MPHOSPH9: variants seen among roughly 807,000 people sequenced by gnomAD.
MPHOSPH9 encodes M-phase phosphoprotein 9.
In MPHOSPH9, 88 loss-of-function variants were observed where a neutral mutation model predicts 145.5. That is an observed-to-expected ratio of 0.60 (90% CI 0.51 to 0.72). The LOEUF (loss-of-function observed/expected upper bound fraction) is 0.72. MPHOSPH9 is among the 30% of genes least tolerant of loss of function. The pLI is 0.00. For missense variants in MPHOSPH9, 1,238 were observed against 1,386.6 expected, an observed-to-expected ratio of 0.89 and a Z score of 1.70; for synonymous variants, 435 against 486.2, an observed-to-expected ratio of 0.89 and a Z score of 1.39.
At position 123,179,967 on chromosome 12, in the gene MPHOSPH9, G is replaced by T; in HGVS notation, c.2313C>A (p.Asn771Lys). Residue 771 changes from asparagine to lysine, a missense_variant, in exon 15 of 24, where the codon AAC (asparagine) becomes AAA (lysine). By Grantham distance (94) the Asn-to-Lys change is moderately conservative. This residue lies in a region of MPHOSPH9 where 837 missense variants were observed against 897.5 expected (regional missense o/e 0.93). Coordinates refer to ENST00000606320, the MANE Select transcript of MPHOSPH9 (RefSeq NM_022782.4). The part of the protein sequence containing the change: ...RVKDALNTTE[N>K]KLLDAYTQIS... ...TCTGAGTATATGCATCAAGCAATTT[G>T]TTCTCAGTTGTATTTAATGCATCCT... The T allele has an allele frequency of 7.0e-7, 1 of 1,433,050 alleles. No individual in the cohort carries two copies. Among genetic ancestry groups the T allele is most frequent in the Admixed American group, 2.5e-5 (1 of 39,672 alleles). 88.8% of individuals were successfully genotyped at this position (1,433,050 alleles called of 1,614,324 possible).
At chr12:123,232,261 C>A (rs1477795346) in intron 1 of MPHOSPH9, among the ~76,000 whole-genome samples, 1 of 151,860 alleles carries the variant, frequency 6.6e-6, no homozygotes, top group African/African-American at 2.4e-5. Flanking sequence ...GGATGCAGAT[C>A]CAGATGGAAA....
At chr12:123,242,362 G>A (rs914953230) in intron 1 of MPHOSPH9, among the ~76,000 whole-genome samples, 9 of 152,130 alleles carry the variant, frequency 5.9e-5, no homozygotes, top group African/African-American at 2.2e-4. Context: ...GCACTTCTCT[G>A]TACCATTTTT....
intron 16 of MPHOSPH9, among the ~76,000 whole-genome samples, chr12:123,175,712 C>T (rs895728298): frequency 7.7e-6 from 1 of 129,888 alleles, no homozygotes; most frequent in Admixed American, 9.5e-5. Context: ...GCACAGGTGA[C>T]TCCTCTGCTT....
At chr12:123,190,060 T>G (rs936526126) in intron 13 of MPHOSPH9, among the ~76,000 whole-genome samples, 7 of 151,964 alleles carry the variant, frequency 4.6e-5, no homozygotes, top group Admixed American at 1.3e-4. Context: ...GGTAATGATA[T>G]TCACACAATT....
chr12:123,196,513 C>T (rs1287501219), intron 12 of MPHOSPH9, among the ~76,000 whole-genome samples: 3 of 152,016 alleles, frequency 2.0e-5, no homozygotes, highest in Non-Finnish European at 2.9e-5. Flanking sequence ...ACTTTTGACC[C>T]TTAAAAAGAT....
intron 20 of MPHOSPH9, 177 bp downstream of exon 20, chr12:123,162,837 T>A: frequency 1.9e-6 from 1 of 534,776 alleles, no homozygotes; most frequent in Non-Finnish European, 3.0e-6. Context: ...AGTTAAAAAC[T>A]GTGTTCATTG....
Position 123,202,911 on chromosome 12 carries a change from A to G in MPHOSPH9, c.1494T>C (p.Asn498=). 1 of 1,614,172 alleles carries G rather than the reference A, an allele frequency of 6.2e-7. No homozygotes were observed. ...SDIDSFSQAS[N]VTSQLPGFPK... The stretch of plus-strand genomic sequence containing the variant: ...GAAATCCAGGTAACTGAGAAGTGAC[A>G]TTACTTGCTTGTGAAAATGAGTCTA... The change falls in exon 10 of 24, where the codon AAT becomes AAC. Residue 498 remains asparagine, a synonymous_variant. Transcript: ENST00000606320.
At chr12:123,184,131 A>T (rs1053886353) in intron 13 of MPHOSPH9, among the ~76,000 whole-genome samples, 1 of 151,762 alleles carries the variant, frequency 6.6e-6, no homozygotes, top group African/African-American at 2.4e-5. Flanking sequence ...CCTCGAGCCC[A>T]GGGGTTTGAA....
At chr12:123,214,634 G>T in intron 7 of MPHOSPH9, 110 bp downstream of exon 7, 2 of 801,432 alleles carry the variant, frequency 2.5e-6, no homozygotes, top group Non-Finnish European at 4.0e-6. Context: ...CATCCCATAT[G>T]GAGAAATGTA....
chr12:123,223,166 T>G, intron 3 of MPHOSPH9, 39 bp from the exon 4 acceptor site: 1 of 1,227,626 alleles, frequency 8.1e-7, no homozygotes, highest in Non-Finnish European at 1.1e-6. Context: ...AAATAATTTT[T>G]TGACTTAACA....
chr12:123,176,855 A>C, intron 15 of MPHOSPH9, 66 bp from the exon 16 acceptor site: 1 of 1,260,148 alleles, frequency 7.9e-7, no homozygotes, highest in Non-Finnish European at 1.1e-6. Flanking sequence ...GCTCAACCAC[A>C]GTTTATTTAA....
At chr12:123,238,582 G>A (rs922699000) in intron 1 of MPHOSPH9, among the ~76,000 whole-genome samples, 1 of 151,986 alleles carries the variant, frequency 6.6e-6, no homozygotes, top group Admixed American at 6.6e-5. Context: ...ACCAGACTGG[G>A]CAACATGATG....
intron 12 of MPHOSPH9, among the ~76,000 whole-genome samples, chr12:123,194,883 A>G (rs1199646885): frequency 3.9e-5 from 6 of 152,096 alleles, no homozygotes; most frequent in Admixed American, 3.9e-4. Context: ...CGGCCTCCCA[A>G]AGTGCTGGGA....
intron 11 of MPHOSPH9, among the ~76,000 whole-genome samples, chr12:123,199,737 G>T: frequency 6.7e-6 from 1 of 150,006 alleles, no homozygotes; most frequent in Admixed American, 6.7e-5. Flanking sequence ...AGCTTGCAGT[G>T]AGCCGAGACA....
intron 5 of MPHOSPH9, among the ~76,000 whole-genome samples, chr12:123,219,474 A>C (rs2047106815): frequency 6.7e-6 from 1 of 148,158 alleles, no homozygotes; most frequent in Admixed American, 6.9e-5. Context: ...AATGGCGTGA[A>C]CCCGGGAGGC....
intron 11 of MPHOSPH9, among the ~76,000 whole-genome samples, chr12:123,199,597 A>G (rs1390870276): frequency 1.3e-5 from 2 of 152,030 alleles, no homozygotes; most frequent in African/African-American, 2.4e-5. Context: ...TGGCTAAACC[A>G]TCCTGGATAA....
At chr12:123,215,784 A>G (rs988160895) in intron 6 of MPHOSPH9, among the ~76,000 whole-genome samples, 2 of 152,200 alleles carry the variant, frequency 1.3e-5, no homozygotes, top group African/African-American at 4.8e-5. Flanking sequence ...TCCTGTAAAG[A>G]GTATGTAACC....
rs766002518 is a variant in MPHOSPH9 at position 123,202,913 on chromosome 12, T to C, written c.1492A>G (p.Asn498Asp). Reference protein sequence around the residue: ...SDIDSFSQASNVTSQLPGFPK... With the variant: ...SDIDSFSQASDVTSQLPGFPK... The stretch of plus-strand genomic sequence containing the variant: ...AATCCAGGTAACTGAGAAGTGACAT[T>C]ACTTGCTTGTGAAAATGAGTCTATG... Residue 498 changes from asparagine to aspartate, a missense_variant, in exon 10 of 24, where the codon AAT (asparagine) becomes GAT (aspartate). This residue lies in a region of MPHOSPH9 where 837 missense variants were observed against 897.5 expected (regional missense o/e 0.93). Coordinates refer to ENST00000606320, the MANE Select transcript of MPHOSPH9 (RefSeq NM_022782.4). 26 of 1,614,172 alleles carry C rather than the reference T, an allele frequency of 1.6e-5. No homozygotes were observed. The East Asian group carries it at 5.8e-4, about 36-fold the overall frequency.
At chr12:123,231,478 C>G (rs1249330514) in intron 1 of MPHOSPH9, among the ~76,000 whole-genome samples, 1 of 152,126 alleles carries the variant, frequency 6.6e-6, no homozygotes, top group African/African-American at 2.4e-5. Context: ...TCTGGAAGTA[C>G]ATTTTGAACT....
Sources: gnomAD v4.1 joint callset for allele counts (sites outside exome capture counted in the v4.1 genomes callset) on GRCh38, gnomAD v4.1.1 for gene constraint, gnomAD v4.1.1 regional missense constraint, MANE v1.5 for transcripts, NCBI Gene and HGNC (gene_info 2026-07-23, HGNC 2026-07-21) for gene names.